SRGAP3: variants seen among roughly 807,000 people sequenced by gnomAD.
SRGAP3 encodes SLIT-ROBO Rho GTPase activating protein 3, also known as SLIT-ROBO Rho GTPase-activating protein 3.
A neutral mutation model predicts 121.1 loss-of-function variants in SRGAP3; 39 were observed. That is an observed-to-expected ratio of 0.32 (90% CI 0.25 to 0.42). The LOEUF (loss-of-function observed/expected upper bound fraction) is 0.42. Ranked by LOEUF, SRGAP3 falls within the 10% of genes least tolerant of loss-of-function variation. SRGAP3 has a pLI of 1.00. For missense variants in SRGAP3, 1,213 were observed against 1,470.6 expected (o/e 0.82, Z 2.86); for synonymous variants, 601 against 570.0 (o/e 1.05, Z -0.77).
intron 1 of SRGAP3, among the ~76,000 whole-genome samples, chr3:9,232,199 T>A (rs1305916505): frequency 6.6e-6 from 1 of 152,208 alleles, no homozygotes; most frequent in East Asian, 1.9e-4. Flanking sequence ...CTCTTGCAGG[T>A]GTCACTTTCT....
chr3:9,015,867 G>GC (rs943655339), intron 14 of SRGAP3, 136 bp from the exon 15 acceptor site: 16 of 931,848 alleles, frequency 1.7e-5, no homozygotes, highest in Non-Finnish European at 2.5e-5. Flanking sequence ...CACATATGAG[G>GC]CCCCCCACTT....
At chr3:9,092,683 C>T (rs1947805812) in intron 3 of SRGAP3, among the ~76,000 whole-genome samples, 1 of 152,192 alleles carries the variant, frequency 6.6e-6, no homozygotes, top group Non-Finnish European at 1.5e-5. Flanking sequence ...AATTCTAAAA[C>T]ATGAAAACTC....
intron 3 of SRGAP3, among the ~76,000 whole-genome samples, chr3:9,307,860 AAGTT>A (rs1449914347): frequency 6.6e-6 from 1 of 152,230 alleles, no homozygotes; most frequent in African/African-American, 2.4e-5. Flanking sequence ...GGGGTTTAAA[AAGTT>A]AGGCCACAGG....
chr3:9,083,149 C>T lies in SRGAP3; in HGVS notation c.424-3062G>A, dbSNP rs1947315391. 3.3e-5 allele frequency among the ~76,000 whole-genome samples: 5 copies of T among 152,350 alleles called. No homozygotes were observed. The South Asian group carries it at 1.0e-3, about 32-fold the overall frequency. On this transcript the variant is annotated intron_variant, in intron 3 of 21. Coordinates refer to ENST00000383836, the MANE Select transcript of SRGAP3 (RefSeq NM_014850.4). ...CTCAGTTTCCCCTGTGGCCCCTCCC[C>T]CTGATGTTTCCCCATCACTGCTGAC...
chr3:9,013,933 C>T lies in SRGAP3; in HGVS notation c.1814-91G>A, dbSNP rs1008567845. Reference sequence around the variant, plus strand: ...TCGCCACATCTCCTATATCAACCCACGTGGATGGGGGAGCCAGCTCTACTC... The same window carrying T: ...TCGCCACATCTCCTATATCAACCCATGTGGATGGGGGAGCCAGCTCTACTC... On this transcript the variant is annotated intron_variant, in intron 15 of 21. Transcript: ENST00000383836. 48 of 1,192,004 alleles carry T rather than the reference C, an allele frequency of 4.0e-5. No individual in the cohort carries two copies. In the Admixed American group the frequency reaches 4.2e-4, roughly 11 times the overall value. 73.8% of individuals were successfully genotyped at this position (1,192,004 alleles called of 1,614,324 possible).
At chr3:9,043,336 A>G (rs1048474450) in intron 10 of SRGAP3, among the ~76,000 whole-genome samples, 5 of 152,056 alleles carry the variant, frequency 3.3e-5, no homozygotes, top group Non-Finnish European at 7.4e-5. Context: ...TTGTTTACTT[A>G]GTAGTTTGTT....
At chr3:9,220,032 G>A (rs1465718386) in intron 1 of SRGAP3, among the ~76,000 whole-genome samples, 1 of 152,168 alleles carries the variant, frequency 6.6e-6, no homozygotes, top group Non-Finnish European at 1.5e-5. Context: ...AGGCTGGGAA[G>A]GTAGGGTGGG....
intron 1 of SRGAP3, among the ~76,000 whole-genome samples, chr3:9,125,739 G>A (rs1236972868): frequency 6.6e-6 from 1 of 152,194 alleles, no homozygotes; most frequent in Non-Finnish European, 1.5e-5. Context: ...ACTGCCCCCA[G>A]GCATAGATTC....
chr3:8,997,499 G>C (rs389610), intron 18 of SRGAP3, among the ~76,000 whole-genome samples: 1 of 151,894 alleles, frequency 6.6e-6, no homozygotes, highest in Non-Finnish European at 1.5e-5. Flanking sequence ...TTCCCATGGA[G>C]GCTGGAACAA....
intron 1 of SRGAP3, among the ~76,000 whole-genome samples, chr3:9,138,846 T>C (rs555697469): frequency 1.3e-5 from 2 of 152,366 alleles, no homozygotes; most frequent in South Asian, 2.1e-4. Context: ...ATCTCCAAGA[T>C]GTCTTATTAT....
chr3:9,284,851 AAT>A (rs1491579773), intron 3 of SRGAP3, among the ~76,000 whole-genome samples: 2 of 150,086 alleles, frequency 1.3e-5, no homozygotes, highest in African/African-American at 5.0e-5. Context: ...AAAAAAAAAA[AAT>A]GGGTCTGATC....
chr3:9,284,700 T>C (rs991830710), intron 3 of SRGAP3, among the ~76,000 whole-genome samples: 4 of 151,908 alleles, frequency 2.6e-5, no homozygotes, highest in African/African-American at 9.7e-5. Flanking sequence ...CATGGTGTCA[T>C]GCACCTGTAG....
intron 4 of SRGAP3, among the ~76,000 whole-genome samples, chr3:9,072,873 C>A (rs912979450): frequency 6.6e-6 from 1 of 152,188 alleles, no homozygotes; most frequent in South Asian, 2.1e-4. Context: ...CTCTGTGTAT[C>A]TTCTTGCATT....
At chr3:9,065,031 C>T (rs1445175729) in intron 4 of SRGAP3, among the ~76,000 whole-genome samples, 2 of 152,114 alleles carry the variant, frequency 1.3e-5, no homozygotes, top group East Asian at 3.9e-4. Flanking sequence ...CTCCCAGTGC[C>T]GCGGGGAAAG....
chr3:9,219,959 T>C (rs1049069198), intron 1 of SRGAP3, among the ~76,000 whole-genome samples: 9 of 152,168 alleles, frequency 5.9e-5, no homozygotes, highest in Non-Finnish European at 1.3e-4. Context: ...CATGTTCTCA[T>C]TCATATGTGG....
chr3:9,146,303 A>C (rs1950021427), intron 1 of SRGAP3, among the ~76,000 whole-genome samples: 1 of 152,200 alleles, frequency 6.6e-6, no homozygotes, highest in Non-Finnish European at 1.5e-5. Context: ...GAGTTCACAC[A>C]CAGCATTTCC....
Position 9,162,578 on chromosome 3 carries a change from C to T in SRGAP3, c.68-37661G>A, listed in dbSNP as rs944836079. On this transcript the variant is annotated intron_variant, in intron 1 of 21. Coordinates refer to ENST00000383836, the MANE Select transcript of SRGAP3 (RefSeq NM_014850.4). ...ACTTGCAGGCCCCTGGGATTAAGCC[C>T]CGCCAGATAAACCACAGTGAGGGCA... Among the ~76,000 whole-genome samples the T allele has an allele frequency of 2.0e-5, 3 of 152,176 alleles. 1 individual carries two copies. The highest frequency in any genetic ancestry group is 7.2e-5 in the African/African-American group (3 of 41,452).
intron 5 of SRGAP3, among the ~76,000 whole-genome samples, chr3:9,062,931 A>G (rs1225021426): frequency 2.0e-5 from 3 of 152,176 alleles, no homozygotes; most frequent in South Asian, 4.1e-4. Flanking sequence ...TATGTTTAAC[A>G]TTTAGACTGC....
Position 9,088,839 on chromosome 3 carries a change from CCT to C in SRGAP3, c.424-8754_424-8753del, listed in dbSNP as rs564231034. ...CTAGAAGATCCAGCAATGCCGAGCC[CCT>C]GTTTCAAGTACGGTGGCCCCTTCGG... On this transcript the variant is annotated intron_variant, in intron 3 of 21. Coordinates refer to ENST00000383836, the MANE Select transcript of SRGAP3 (RefSeq NM_014850.4). 5.3e-5 allele frequency among the ~76,000 whole-genome samples: 8 copies of C among 152,240 alleles called. 1 individual carries two copies. In the South Asian group the frequency reaches 1.2e-3, roughly 24 times the overall value.
Sources: allele counts gnomAD v4.1 joint callset (sites outside exome capture counted in the v4.1 genomes callset), GRCh38; gene constraint gnomAD v4.1.1; transcripts MANE v1.5; gene names NCBI Gene and HGNC (gene_info 2026-07-23, HGNC 2026-07-21).